Variants in ST8SIA6 observed in about 807,000 individuals in gnomAD.
ST8SIA6 encodes alpha-2,8-sialyltransferase 8F.
A neutral mutation model predicts 33.6 loss-of-function variants in ST8SIA6; 39 were observed. The ratio of observed to expected loss-of-function variants is 1.16; its 90% CI spans 0.90 to 1.52. ST8SIA6 has a LOEUF of 1.52. ST8SIA6 is among the 40% of genes most tolerant of loss of function. The pLI is 0.00. For synonymous variants in ST8SIA6, 172 were observed against 167.2 expected, an observed-to-expected ratio of 1.03 and a Z score of -0.22; for missense variants, 441 against 443.8, an observed-to-expected ratio of 0.99 and a Z score of 0.06.
At chr10:17,354,415 G>C (rs186202252) in intron 4 of ST8SIA6, among the ~76,000 whole-genome samples, 5 of 152,204 alleles carry the variant, frequency 3.3e-5, no homozygotes, top group Admixed American at 3.3e-4. Context: ...TGGAGGGAAG[G>C]GGGTGGGGAC....
intron 2 of ST8SIA6, among the ~76,000 whole-genome samples, chr10:17,400,886 C>T (rs551001332): frequency 2.0e-5 from 3 of 152,314 alleles, no homozygotes; most frequent in South Asian, 4.1e-4. Flanking sequence ...GGGATGCCCT[C>T]CTTCACCACT....
intron 5 of ST8SIA6, among the ~76,000 whole-genome samples, chr10:17,327,922 T>C (rs1298618388): frequency 2.8e-5 from 4 of 145,336 alleles, no homozygotes; most frequent in African/African-American, 4.9e-5. Flanking sequence ...TTTTAAAAAA[T>C]GTGTAAGTAA....
intron 3 of ST8SIA6, among the ~76,000 whole-genome samples, chr10:17,380,598 A>G (rs596111): frequency 0.28 from 43,095 of 152,162 alleles, 6,887 homozygotes; most frequent in East Asian, 0.66. Flanking sequence ...AGCCAGACCA[A>G]ACTGAAAGAG....
intron 2 of ST8SIA6, among the ~76,000 whole-genome samples, chr10:17,393,224 G>T (rs1425907718): frequency 1.3e-5 from 2 of 152,162 alleles, no homozygotes; most frequent in African/African-American, 2.4e-5. Flanking sequence ...CAGCCTTTGG[G>T]CTTAGACTGA....
intron 3 of ST8SIA6, among the ~76,000 whole-genome samples, chr10:17,382,019 A>AT (rs1487311974): frequency 7.9e-5 from 12 of 152,096 alleles, no homozygotes; most frequent in African/African-American, 2.4e-4. Flanking sequence ...TCAAGTCAAA[A>AT]TTTTTTCACG....
At position 17,432,447 on chromosome 10, in the gene ST8SIA6, A is replaced by G. The variant is rs145178949; in HGVS notation, c.200+21112T>C. On this transcript the variant is annotated intron_variant, in intron 2 of 7. Transcript: ENST00000377602. ...ACGCATTTGCCGTGATGTAATGCGT[A>G]CGAATGTGAATTTCAAGAGACTACC... Among the ~76,000 whole-genome samples, 3 of 152,344 alleles carry G rather than the reference A, an allele frequency of 2.0e-5. No homozygotes were observed. In the East Asian group the frequency reaches 5.8e-4, roughly 29 times the overall value.
chr10:17,382,867 GTCAAAGGCACACTGATGCA>G, intron 3 of ST8SIA6, among the ~76,000 whole-genome samples: 1 of 152,316 alleles, frequency 6.6e-6, no homozygotes, highest in African/African-American at 2.4e-5. Flanking sequence ...AACCATTAGT[GTCAAAGGCACACTGATGCA>G]AAACTAGTAT....
chr10:17,433,715 C>T (rs1393369478), intron 2 of ST8SIA6, among the ~76,000 whole-genome samples: 1 of 152,134 alleles, frequency 6.6e-6, no homozygotes, highest in Admixed American at 6.6e-5. Flanking sequence ...CACTGTAGCC[C>T]CAGTAATCTC....
chr10:17,322,123 A>T (rs1211121889), intron 7 of ST8SIA6, among the ~76,000 whole-genome samples: 1 of 131,314 alleles, frequency 7.6e-6, no homozygotes, highest in Admixed American at 8.0e-5. Context: ...AGAGAGAGAG[A>T]GGAAGGAAGG....
chr10:17,344,901 T>C (rs1208892495), intron 4 of ST8SIA6, among the ~76,000 whole-genome samples: 2 of 152,292 alleles, frequency 1.3e-5, no homozygotes, highest in African/African-American at 4.8e-5. Flanking sequence ...GACAAACTCC[T>C]GCAAGAAAGA....
At position 17,321,792 on chromosome 10, in the gene ST8SIA6, T is replaced by C. The variant is rs1202298792; in HGVS notation, c.729-446A>G. Among the ~76,000 whole-genome samples the C allele has an allele frequency of 5.3e-5, 8 of 152,186 alleles. No individual in the cohort carries two copies. The East Asian group carries it at 1.5e-3, about 29-fold the overall frequency. ...TACATCTTTTGCACATATTTCATTA[T>C]AAGTTTCCTTTAGAAAACTGAAAAT... On this transcript the variant is annotated intron_variant, in intron 7 of 7. Coordinates refer to ENST00000377602, the MANE Select transcript of ST8SIA6 (RefSeq NM_001004470.3).
chr10:17,344,318 G>A (rs1304473264), intron 4 of ST8SIA6, among the ~76,000 whole-genome samples: 1 of 152,190 alleles, frequency 6.6e-6, no homozygotes, highest in Non-Finnish European at 1.5e-5. Flanking sequence ...AAGAAAGGAG[G>A]TTTAATGGAT....
At chr10:17,323,681 G>A (rs112399241) in intron 6 of ST8SIA6, among the ~76,000 whole-genome samples, 2,860 of 151,896 alleles carry the variant, frequency 0.019, 30 homozygotes, top group African/African-American at 0.023. Context: ...CACTGTGCCC[G>A]GCGAAAATTA....
intron 2 of ST8SIA6, among the ~76,000 whole-genome samples, chr10:17,429,860 T>C (rs937782599): frequency 2.0e-5 from 3 of 152,208 alleles, no homozygotes; most frequent in African/African-American, 7.2e-5. Flanking sequence ...CCTTCTTCTA[T>C]AGCATCTCTT....
chr10:17,403,010 A>T (rs1006927329), intron 2 of ST8SIA6, among the ~76,000 whole-genome samples: 2 of 152,174 alleles, frequency 1.3e-5, no homozygotes, highest in African/African-American at 4.8e-5. Context: ...AATTTTCCCT[A>T]CACCATGAAC....
chr10:17,392,744 A>T (rs140721589), intron 2 of ST8SIA6, among the ~76,000 whole-genome samples: 2 of 152,186 alleles, frequency 1.3e-5, no homozygotes, highest in Non-Finnish European at 2.9e-5. Flanking sequence ...AGAATAGACT[A>T]TGATGTGATA....
chr10:17,371,804 G>GAAAAAAAA (rs1849744540), intron 3 of ST8SIA6, among the ~76,000 whole-genome samples: 2 of 121,264 alleles, frequency 1.6e-5, no homozygotes, highest in Non-Finnish European at 1.7e-5. Context: ...AAAAAAAAAA[G>GAAAAAAAA]AAAGAAAGTA....
intron 3 of ST8SIA6, among the ~76,000 whole-genome samples, chr10:17,376,664 C>A (rs1474518585): frequency 1.3e-5 from 2 of 152,058 alleles, no homozygotes; most frequent in African/African-American, 4.8e-5. Flanking sequence ...TCTAAAAATA[C>A]AGGCAAGAAA....
chr10:17,337,109 C>T (rs976491473), intron 4 of ST8SIA6, among the ~76,000 whole-genome samples: 3 of 151,744 alleles, frequency 2.0e-5, no homozygotes, highest in Non-Finnish European at 2.9e-5. Context: ...TGAGTTCTCA[C>T]GAGATCTGGT....
Sources: allele counts gnomAD v4.1 joint callset (sites outside exome capture counted in the v4.1 genomes callset), GRCh38; gene constraint gnomAD v4.1.1; transcripts MANE v1.5; gene names NCBI Gene and HGNC (gene_info 2026-07-23, HGNC 2026-07-21).